The following FREM2 variants were observed in gnomAD, a reference collection of about 807,000 sequenced individuals.
FREM2 encodes FRAS1 related extracellular matrix 2.
FREM2 carries 119 observed loss-of-function variants against 219.9 expected under a neutral mutation model. That is an observed-to-expected ratio of 0.54 (90% CI 0.47 to 0.63). The LOEUF is 0.63. Ranked by LOEUF, FREM2 falls within the 30% of genes least tolerant of loss-of-function variation. FREM2 has a pLI of 0.00. For synonymous variants in FREM2, 1,562 were observed against 1,522.8 expected (o/e 1.03, Z -0.60); for missense variants, 4,030 against 3,993.6 (o/e 1.01, Z -0.25).
intron 2 of FREM2, among the ~76,000 whole-genome samples, chr13:38,762,537 A>T (rs776199303): frequency 4.0e-5 from 6 of 151,666 alleles, no homozygotes; most frequent in Non-Finnish European, 7.4e-5. Flanking sequence ...CTTCCTGGGT[A>T]CAAGCGATTC....
At position 38,856,264 on chromosome 13, in the gene FREM2, A is replaced by G; in HGVS notation, c.7056+8A>G. 1 of 1,610,494 alleles carries G rather than the reference A, an allele frequency of 6.2e-7. No homozygotes were observed. Among genetic ancestry groups the G allele is most frequent in the Non-Finnish European group, 8.5e-7 (1 of 1,177,400 alleles). ...ATGATAGCAGAGATGCAGGTAAGTA[A>G]TGTAATGTGTATGTAAATTCATGGC... On this transcript the variant is annotated splice_region_variant and intron_variant, in intron 12 of 23. Transcript: ENST00000280481.
rs1314666164 is a variant in FREM2 at position 38,872,781 on chromosome 13, C to T, written c.8023C>T (p.Pro2675Ser). ...LVQSYVTLRVPLYVSYVFHSP... is the reference protein window; with the variant it reads ...LVQSYVTLRVSLYVSYVFHSP... ...GCAGTCCTATGTGACCCTTCGAGTCCCTCTGTATGTTTCCTACGTGTTCCA... is the reference window on the plus strand; with the variant it reads ...GCAGTCCTATGTGACCCTTCGAGTCTCTCTGTATGTTTCCTACGTGTTCCA... The change falls in exon 17 of 24, where the codon CCT becomes TCT. Residue 2675 changes from proline to serine, a missense_variant. Pro to Ser is a moderately conservative substitution (Grantham distance 74). Around this residue, in one of 2 missense-constraint regions of FREM2, gnomAD observed 928 missense variants for 1,042.9 expected, o/e 0.89. Transcript: ENST00000280481. The T allele has an allele frequency of 2.5e-6, 4 of 1,613,780 alleles. No individual in the cohort carries two copies. The highest frequency in any genetic ancestry group is 2.2e-5 in the East Asian group (1 of 44,886).
chr13:38,822,739 G>A (rs1876117018), intron 6 of FREM2, among the ~76,000 whole-genome samples: 1 of 152,024 alleles, frequency 6.6e-6, no homozygotes, highest in South Asian at 2.1e-4. Flanking sequence ...ATAGTAATAT[G>A]TATTCGATCT....
chr13:38,755,933 C>T (rs1359383050), intron 2 of FREM2, among the ~76,000 whole-genome samples: 3 of 152,206 alleles, frequency 2.0e-5, no homozygotes, highest in African/African-American at 7.2e-5. Context: ...GGAGCCAGTA[C>T]ACCCTTCACC....
At chr13:38,797,576 T>A (rs1348330198) in intron 6 of FREM2, among the ~76,000 whole-genome samples, 1 of 152,136 alleles carries the variant, frequency 6.6e-6, no homozygotes, top group South Asian at 2.1e-4. Flanking sequence ...ACTCTGTTGA[T>A]CATTTCCTTT....
chr13:38,873,413 T>G (rs1451107554), intron 17 of FREM2, among the ~76,000 whole-genome samples: 1 of 152,214 alleles, frequency 6.6e-6, no homozygotes, highest in African/African-American at 2.4e-5. Context: ...TCAAGCATAT[T>G]GCTTAACCTT....
intron 2 of FREM2, among the ~76,000 whole-genome samples, chr13:38,745,616 C>T (rs1872447493): frequency 1.3e-5 from 2 of 152,202 alleles, no homozygotes; most frequent in Admixed American, 1.3e-4. Context: ...GCACCCTAAT[C>T]CGCTATTTTC....
intron 5 of FREM2, among the ~76,000 whole-genome samples, chr13:38,784,194 A>G (rs969310867): frequency 2.6e-5 from 4 of 152,268 alleles, no homozygotes; most frequent in African/African-American, 4.8e-5. Flanking sequence ...GTGTAAAGCC[A>G]GGTGGAGTGG....
Position 38,846,553 on chromosome 13 carries a change from T to A in FREM2, c.6020-20T>A, listed in dbSNP as rs1566164525. ...AAAAAATAAAAATAACAGAAATGAT[T>A]TCTGTTCCTTTCTTAACAGAACCCA... On this transcript the variant is annotated intron_variant, in intron 6 of 23. Transcript: ENST00000280481. 6 of 1,611,820 alleles carry A rather than the reference T, an allele frequency of 3.7e-6. No individual in the cohort carries two copies. The highest frequency in any genetic ancestry group is 5.1e-6 in the Non-Finnish European group (6 of 1,178,690).
At chr13:38,842,853 G>A (rs906075842) in intron 6 of FREM2, among the ~76,000 whole-genome samples, 6 of 152,146 alleles carry the variant, frequency 3.9e-5, no homozygotes, top group South Asian at 2.1e-4. Context: ...CCTCTTCTAC[G>A]TTTGTAGGAA....
intron 2 of FREM2, among the ~76,000 whole-genome samples, chr13:38,736,267 T>G (rs1871989216): frequency 6.6e-6 from 1 of 152,142 alleles, no homozygotes; most frequent in South Asian, 2.1e-4. Context: ...TTTCTGGCCT[T>G]AGGGAGCTAC....
At chr13:38,725,646 G>T (rs565519432) in intron 2 of FREM2, among the ~76,000 whole-genome samples, 1 of 152,298 alleles carries the variant, frequency 6.6e-6, no homozygotes, top group South Asian at 2.1e-4. Flanking sequence ...GAAAGTGGAG[G>T]AACTGAGTGG....
chr13:38,820,398 T>C (rs747646474), intron 6 of FREM2, among the ~76,000 whole-genome samples: 2 of 152,110 alleles, frequency 1.3e-5, no homozygotes, highest in Non-Finnish European at 2.9e-5. Context: ...AGAATACATA[T>C]TTCTGATTTA....
At chr13:38,830,318 G>T (rs1876458070) in intron 6 of FREM2, among the ~76,000 whole-genome samples, 1 of 152,150 alleles carries the variant, frequency 6.6e-6, no homozygotes, top group Non-Finnish European at 1.5e-5. Flanking sequence ...CTTTGATACT[G>T]TCCTTCACAT....
chr13:38,689,496 C>T lies in FREM2; in HGVS notation c.2152C>T (p.Leu718Phe). ...TCGTATGGTGGTACAGGAATCCCAGCTCACACCACTGAGGAAGAAGTGGCT... is the reference window on the plus strand; with the variant it reads ...TCGTATGGTGGTACAGGAATCCCAGTTCACACCACTGAGGAAGAAGTGGCT... ...PLRMVVQESQ[L>F]TPLRKKWLRY... Residue 718 changes from leucine to phenylalanine, a missense_variant, in exon 1 of 24, where the codon CTC becomes TTC. By Grantham distance (22) the Leu-to-Phe change is conservative (BLOSUM62 0). This residue lies in a region of FREM2 where 3,102 missense variants were observed against 2,950.7 expected (regional missense o/e 1.05). Transcript: ENST00000280481. 1 of 1,614,098 alleles carries T rather than the reference C, an allele frequency of 6.2e-7. No homozygotes were observed. Among genetic ancestry groups the T allele is most frequent in the Non-Finnish European group, 8.5e-7 (1 of 1,180,006 alleles).
At chr13:38,714,245 T>C (rs1477162120) in intron 2 of FREM2, among the ~76,000 whole-genome samples, 1 of 152,258 alleles carries the variant, frequency 6.6e-6, no homozygotes, top group Non-Finnish European at 1.5e-5. Flanking sequence ...AAACCTGTAT[T>C]AATCAGTGGT....
At chr13:38,753,270 A>G (rs1275702636) in intron 2 of FREM2, among the ~76,000 whole-genome samples, 1 of 152,220 alleles carries the variant, frequency 6.6e-6, no homozygotes, top group African/African-American at 2.4e-5. Context: ...TTATGTATAC[A>G]CATATAATTA....
At position 38,840,978 on chromosome 13, in the gene FREM2, T is replaced by C. The variant is rs148008383; in HGVS notation, c.6020-5595T>C. 6.0e-3 allele frequency among the ~76,000 whole-genome samples: 918 copies of C among 152,256 alleles called. 11 individuals are homozygous for C. Among genetic ancestry groups the C allele is most frequent in the African/African-American group, 0.021 (887 of 41,544 alleles). On this transcript the variant is annotated intron_variant, in intron 6 of 23. Coordinates refer to ENST00000280481, the MANE Select transcript of FREM2 (RefSeq NM_207361.6). ...TGTCCATAAAAATCTTGTGAAAAAC[T>C]TTTATGACTCTTTTCCTGCCTTAAT...
At chr13:38,840,812 G>A (rs1478017505) in intron 6 of FREM2, among the ~76,000 whole-genome samples, 1 of 151,648 alleles carries the variant, frequency 6.6e-6, no homozygotes, top group African/African-American at 2.4e-5. Flanking sequence ...CCTTTCTGAT[G>A]GATTTTGGGC....
Sources: gnomAD v4.1 joint callset for allele counts (sites outside exome capture counted in the v4.1 genomes callset) on GRCh38, gnomAD v4.1.1 for gene constraint, gnomAD v4.1.1 regional missense constraint, MANE v1.5 for transcripts, NCBI Gene and HGNC (gene_info 2026-07-23, HGNC 2026-07-21) for gene names.